TRPM8: variants seen among roughly 807,000 people sequenced by gnomAD.
TRPM8 encodes TRPM8 cationic channel.
A neutral mutation model predicts 133.7 loss-of-function variants in TRPM8; 110 were observed. The observed-to-expected ratio is 0.82, with a 90% CI of 0.70 to 0.96. TRPM8 has a LOEUF of 0.96. TRPM8 is among the 40% of genes least tolerant of loss of function. The pLI is 0.00. For synonymous variants in TRPM8, 535 were observed against 532.3 expected (o/e 1.01, Z -0.07); for missense variants, 1,291 against 1,379.5 (o/e 0.94, Z 1.02).
Position 233,970,410 on chromosome 2 carries a change from G to A in TRPM8, c.2339G>A (p.Cys780Tyr), listed in dbSNP as rs1691684263. The change falls in exon 17 of 26, where the codon TGT becomes TAT. Residue 780 changes from cysteine to tyrosine, a missense_variant. By Grantham distance (194) the Cys-to-Tyr change is radical. Around this residue, in one of 2 missense-constraint regions of TRPM8, gnomAD observed 328 missense variants for 410.6 expected, o/e 0.80. Transcript: ENST00000324695. ...TACTCGCTGGTCTTTGTCCTCTTCT[G>A]TGATGAAGTGAGACAGGTAGGGCTG... ...VLYSLVFVLF[C>Y]DEVRQWYVNG... is the part of the protein sequence containing the mutation. 6.2e-7 allele frequency: 1 copy of A among 1,613,946 alleles called. No individual in the cohort carries two copies. Among genetic ancestry groups the A allele is most frequent in the Non-Finnish European group, 8.5e-7 (1 of 1,180,024 alleles).
intron 17 of TRPM8, among the ~76,000 whole-genome samples, chr2:233,978,188 G>C (rs979885744): frequency 7.7e-6 from 1 of 129,990 alleles, no homozygotes; most frequent in Admixed American, 8.2e-5. Context: ...TCACAGAAAT[G>C]GAATATTATA....
chr2:233,937,625 C>T (rs910449017), intron 4 of TRPM8, 116 bp downstream of exon 4: 3 of 1,191,082 alleles, frequency 2.5e-6, no homozygotes, highest in African/African-American at 1.5e-5. Context: ...GTAGTAAACA[C>T]CAAAAACGAT....
chr2:233,994,450 G>T (rs4663998), intron 21 of TRPM8, among the ~76,000 whole-genome samples: 75,616 of 152,036 alleles, frequency 0.5, 18,967 homozygotes, highest in East Asian at 0.66. Flanking sequence ...CCAATTTACA[G>T]GCATAGCATA....
At chr2:233,925,082 G>A (rs1310163610) in intron 1 of TRPM8, among the ~76,000 whole-genome samples, 1 of 152,214 alleles carries the variant, frequency 6.6e-6, no homozygotes, top group Non-Finnish European at 1.5e-5. Context: ...CTGAGGGTCT[G>A]AGAGCAGAGT....
At chr2:233,946,384 G>A (rs1349062489) in intron 7 of TRPM8, 2 of 176,886 alleles carry the variant, frequency 1.1e-5, no homozygotes, top group African/African-American at 4.7e-5. Context: ...AATTAGCTAG[G>A]ATAGAAAAGA....
intron 3 of TRPM8, 97 bp downstream of exon 3, chr2:233,930,838 G>A: frequency 1.3e-6 from 1 of 754,106 alleles, no homozygotes; most frequent in African/African-American, 1.8e-5. Flanking sequence ...CATTATTAAA[G>A]ATGTCTTCGT....
intron 17 of TRPM8, among the ~76,000 whole-genome samples, chr2:233,978,857 C>T (rs1006003745): frequency 2.4e-4 from 36 of 152,128 alleles, no homozygotes; most frequent in Non-Finnish European, 8.8e-5. Context: ...GTGCCCTCAC[C>T]CCCTTGGCCC....
intron 21 of TRPM8, 152 bp from the exon 22 acceptor site, chr2:233,996,174 T>C (rs1464925056): frequency 3.9e-6 from 2 of 508,954 alleles, no homozygotes; most frequent in Non-Finnish European, 6.5e-6. Context: ...TCCTGCTGAG[T>C]TATTTTGGCT....
chr2:233,957,759 T>G (rs1691328870), intron 11 of TRPM8, among the ~76,000 whole-genome samples: 1 of 152,186 alleles, frequency 6.6e-6, no homozygotes, highest in South Asian at 2.1e-4. Flanking sequence ...TATTTAGTGA[T>G]GTCACATTGG....
intron 19 of TRPM8, 78 bp from the exon 20 acceptor site, chr2:233,982,975 A>G (rs753096843): frequency 6.6e-7 from 1 of 1,515,858 alleles, no homozygotes; most frequent in Non-Finnish European, 9.0e-7. Context: ...TCCATGGTCC[A>G]CTGAGGACGG....
chr2:233,963,910 C>A (rs1406285686), intron 13 of TRPM8, among the ~76,000 whole-genome samples: 2 of 152,158 alleles, frequency 1.3e-5, no homozygotes. Context: ...CCCACTCAAC[C>A]TTTGAGCTAT....
chr2:233,970,430 G>T lies in TRPM8; in HGVS notation c.2355+4G>T. ...CTTCTGTGATGAAGTGAGACAGGTAGGGCTGCCATGACAGCAGGAACCCCC... is the reference window on the plus strand; with the variant it reads ...CTTCTGTGATGAAGTGAGACAGGTATGGCTGCCATGACAGCAGGAACCCCC... On this transcript the variant is annotated splice_donor_region_variant and intron_variant, in intron 17 of 25. Transcript: ENST00000324695. The T allele has an allele frequency of 1.9e-6, 3 of 1,613,612 alleles. No homozygotes were observed. Among genetic ancestry groups the T allele is most frequent in the Non-Finnish European group, 2.5e-6 (3 of 1,179,866 alleles).
At chr2:233,969,935 G>T (rs147934679) in intron 16 of TRPM8, 128 bp downstream of exon 16, 43 of 769,976 alleles carry the variant, frequency 5.6e-5, no homozygotes, top group Non-Finnish European at 8.3e-5. Context: ...TGTTGCCTAT[G>T]AATTTGGTCT....
At chr2:233,940,330 T>A (rs2125092563) in intron 5 of TRPM8, among the ~76,000 whole-genome samples, 1 of 152,084 alleles carries the variant, frequency 6.6e-6, no homozygotes, top group Non-Finnish European at 1.5e-5. Context: ...TGTTTTGTTT[T>A]GTTTTTCCCA....
Position 233,969,738 on chromosome 2 carries a change from C to A in TRPM8, c.2069C>A (p.Thr690Asn), listed in dbSNP as rs1482276203. ...TGGTATGGAGAGATTTCCCGAGACA[C>A]CAAGAACTGGAAGATTATCCTGTGT... ...KQWYGEISRD[T>N]KNWKIILCLF... is the part of the protein sequence containing the mutation. Residue 690 changes from threonine to asparagine, a missense_variant, in exon 16 of 26, where the codon ACC becomes AAC. Physicochemically the swap from Thr to Asn is moderately conservative, Grantham distance 65. Around this residue, in one of 2 missense-constraint regions of TRPM8, gnomAD observed 963 missense variants for 968.9 expected, o/e 0.99. Coordinates refer to ENST00000324695, the MANE Select transcript of TRPM8 (RefSeq NM_024080.5). 1 of 1,613,906 alleles carries A rather than the reference C, an allele frequency of 6.2e-7. No individual in the cohort carries two copies. The highest frequency in any genetic ancestry group is 1.1e-5 in the South Asian group (1 of 91,070).
intron 3 of TRPM8, among the ~76,000 whole-genome samples, chr2:233,932,398 T>C (rs1202949022): frequency 1.3e-5 from 2 of 152,212 alleles, no homozygotes; most frequent in African/African-American, 2.4e-5. Flanking sequence ...TGGCTCTTAA[T>C]GGTCTTGCTT....
At chr2:233,993,957 A>G (rs1692343436) in intron 21 of TRPM8, among the ~76,000 whole-genome samples, 1 of 152,228 alleles carries the variant, frequency 6.6e-6, no homozygotes, top group African/African-American at 2.4e-5. Context: ...ATATAGTCAA[A>G]GATTTCTATT....
chr2:233,959,534 C>T (rs1449600348), intron 11 of TRPM8, among the ~76,000 whole-genome samples: 1 of 151,938 alleles, frequency 6.6e-6, no homozygotes, highest in Non-Finnish European at 1.5e-5. Flanking sequence ...TGATCTCAAA[C>T]TCCTGACCTC....
chr2:233,950,848 T>C (rs1055320725), intron 9 of TRPM8, among the ~76,000 whole-genome samples: 2 of 152,208 alleles, frequency 1.3e-5, no homozygotes, highest in African/African-American at 4.8e-5. Context: ...CTTTCCAAAG[T>C]GCTTATACAT....
Sources: gnomAD v4.1 joint callset for allele counts (sites outside exome capture counted in the v4.1 genomes callset) on GRCh38, gnomAD v4.1.1 for gene constraint, gnomAD v4.1.1 regional missense constraint, MANE v1.5 for transcripts, NCBI Gene and HGNC (gene_info 2026-07-23, HGNC 2026-07-21) for gene names.